The following RNF130 variants were observed in gnomAD, a reference collection of about 807,000 sequenced individuals.
The protein encoded by RNF130 is E3 ubiquitin-protein ligase RNF130.
Under a neutral mutation model 44.6 loss-of-function variants are expected in RNF130, and 21 were observed. The observed-to-expected ratio is 0.47, with a 90% CI of 0.33 to 0.68. RNF130 has a LOEUF of 0.68. Among genes scored for constraint, RNF130 ranks in the 30% least tolerant of loss-of-function variants. RNF130 has a pLI of 0.02. For synonymous variants in RNF130, 214 were observed against 210.4 expected (o/e 1.02, Z -0.15); for missense variants, 479 against 560.6 (o/e 0.85, Z 1.47).
intron 3 of RNF130, among the ~76,000 whole-genome samples, chr5:179,998,358 TA>T (rs1228000409): frequency 1.3e-5 from 2 of 152,258 alleles, no homozygotes; most frequent in Non-Finnish European, 2.9e-5. Context: ...AGCACGTTTG[TA>T]AATTTCCATG....
rs1762936313 is a variant in RNF130, at chr5:179,985,585, A to C, written c.694-5385T>G. Among the ~76,000 whole-genome samples the C allele has an allele frequency of 2.0e-5, 3 of 152,182 alleles. No individual in the cohort carries two copies. The South Asian group carries it at 6.2e-4, about 31-fold the overall frequency. ...AAAGGCAGTCCTACCCTGGCAAGGT[A>C]CTTCCTAATTTCAGGGACAAAGCAC... On this transcript the variant is annotated intron_variant, in intron 3 of 8. Coordinates refer to ENST00000521389, the MANE Select transcript of RNF130 (RefSeq NM_018434.6).
intron 1 of RNF130, among the ~76,000 whole-genome samples, chr5:180,055,292 A>C (rs772767109): frequency 3.0e-5 from 4 of 135,028 alleles, no homozygotes; most frequent in Non-Finnish European, 4.8e-5. Context: ...AAAAAAAAAC[A>C]GCAAACAAAC....
chr5:180,000,643 G>A (rs968914772), intron 3 of RNF130, among the ~76,000 whole-genome samples: 2 of 152,022 alleles, frequency 1.3e-5, no homozygotes, highest in South Asian at 2.1e-4. Flanking sequence ...TTCAAGTTGA[G>A]AGATTCTTTC....
At chr5:180,036,738 T>C (rs934863309) in intron 2 of RNF130, among the ~76,000 whole-genome samples, 1 of 151,000 alleles carries the variant, frequency 6.6e-6, no homozygotes, top group Non-Finnish European at 1.5e-5. Context: ...TTTTTAATCC[T>C]ACCTTATAAA....
At chr5:180,049,123 G>C (rs1184579101) in intron 1 of RNF130, among the ~76,000 whole-genome samples, 1 of 152,220 alleles carries the variant, frequency 6.6e-6, no homozygotes, top group Non-Finnish European at 1.5e-5. Flanking sequence ...TAATTCATCA[G>C]AATCCACACT....
chr5:180,054,011 T>G (rs1244872115), intron 1 of RNF130, among the ~76,000 whole-genome samples: 1 of 151,976 alleles, frequency 6.6e-6, no homozygotes, highest in African/African-American at 2.4e-5. Flanking sequence ...GAGATGGGGT[T>G]TCACTATGTT....
At chr5:179,916,586 G>A (rs566017527) in exon 8 of RNF130, 1 of 152,332 alleles carries the variant, frequency 6.6e-6, no homozygotes, top group Admixed American at 6.5e-5. Flanking sequence ...AAGCCGGCAG[G>A]TGCCAGACCT....
intron 3 of RNF130, among the ~76,000 whole-genome samples, chr5:180,002,111 T>C (rs976099667): frequency 1.3e-5 from 2 of 152,192 alleles, no homozygotes; most frequent in African/African-American, 4.8e-5. Flanking sequence ...GCTTAGGTAC[T>C]GGGATGTGTG....
chr5:179,945,930 TA>T (rs1762030930), intron 7 of RNF130, among the ~76,000 whole-genome samples: 1 of 92,602 alleles, frequency 1.1e-5, no homozygotes, highest in African/African-American at 4.3e-5. Context: ...CAGGGATATT[TA>T]AATGGGGGCG....
chr5:180,051,466 T>C (rs1450637069), intron 1 of RNF130, among the ~76,000 whole-genome samples: 1 of 151,868 alleles, frequency 6.6e-6, no homozygotes, highest in African/African-American at 2.4e-5. Context: ...CTCGATCTCC[T>C]GACCTTGTGA....
chr5:179,972,042 A>C (rs1192213142), intron 5 of RNF130, among the ~76,000 whole-genome samples: 2 of 152,204 alleles, frequency 1.3e-5, no homozygotes, highest in Non-Finnish European at 2.9e-5. Flanking sequence ...CTTTTACTTA[A>C]GGGCTGGAAA....
intron 8 of RNF130, among the ~76,000 whole-genome samples, chr5:179,957,239 C>T (rs188089071): frequency 5.5e-4 from 84 of 152,186 alleles, no homozygotes; most frequent in African/African-American, 2.0e-3. Context: ...TGGCAAAACC[C>T]CATCTCTACT....
chr5:180,066,005 C>T (rs1324882900), intron 1 of RNF130, among the ~76,000 whole-genome samples: 1 of 152,192 alleles, frequency 6.6e-6, no homozygotes, highest in Non-Finnish European at 1.5e-5. Flanking sequence ...ATATCACAAA[C>T]ATTAAACAGT....
At chr5:179,972,872 C>A (rs1762616676) in intron 5 of RNF130, among the ~76,000 whole-genome samples, 1 of 152,114 alleles carries the variant, frequency 6.6e-6, no homozygotes, top group African/African-American at 2.4e-5. Context: ...TCTTGAGTAA[C>A]TGTTTCCTTC....
chr5:180,049,436 T>A (rs1764640618), intron 1 of RNF130, among the ~76,000 whole-genome samples: 3 of 152,206 alleles, frequency 2.0e-5, no homozygotes, highest in Admixed American at 2.0e-4. Flanking sequence ...TAAACACAGA[T>A]AACAAACCAT....
intron 1 of RNF130, among the ~76,000 whole-genome samples, chr5:180,070,426 C>G (rs1247784092): frequency 2.6e-5 from 4 of 152,176 alleles, no homozygotes; most frequent in Admixed American, 2.6e-4. Flanking sequence ...AAGAAAACAG[C>G]TTAGCACTTT....
intron 3 of RNF130, among the ~76,000 whole-genome samples, chr5:179,990,444 G>A (rs1344862295): frequency 6.6e-6 from 1 of 152,230 alleles, no homozygotes; most frequent in African/African-American, 2.4e-5. Context: ...GATGGAACAT[G>A]AGAGCGGACC....
At chr5:179,946,774 T>C (rs1762049071) in intron 7 of RNF130, among the ~76,000 whole-genome samples, 1 of 152,134 alleles carries the variant, frequency 6.6e-6, no homozygotes, top group Non-Finnish European at 1.5e-5. Flanking sequence ...CAGGATGGTC[T>C]CGATCTCCTG....
intron 2 of RNF130, among the ~76,000 whole-genome samples, chr5:180,022,079 G>C (rs1335716710): frequency 6.6e-6 from 1 of 152,226 alleles, no homozygotes; most frequent in Non-Finnish European, 1.5e-5. Flanking sequence ...TAACAACACG[G>C]AGGTGAGGCT....
Sources: allele counts gnomAD v4.1 joint callset (sites outside exome capture counted in the v4.1 genomes callset), GRCh38; gene constraint gnomAD v4.1.1; transcripts MANE v1.5; gene names NCBI Gene and HGNC (gene_info 2026-07-23, HGNC 2026-07-21).